The following RORB variants were observed in gnomAD, a reference collection of about 807,000 sequenced individuals.
RORB encodes the protein RAR related orphan receptor B.
A neutral mutation model predicts 59.1 loss-of-function variants in RORB; 6 were observed. The observed-to-expected ratio is 0.10, with a 90% CI of 0.06 to 0.20. The LOEUF is 0.20. Among genes scored for constraint, RORB ranks in the 10% least tolerant of loss-of-function variants. RORB has a pLI of 1.00. For synonymous variants in RORB, 215 were observed against 204.5 expected, an observed-to-expected ratio of 1.05 and a Z score of -0.44; for missense variants, 320 against 560.5, an observed-to-expected ratio of 0.57 and a Z score of 4.33.
chr9:74,550,478 G>A (rs887885934), intron 1 of RORB, among the ~76,000 whole-genome samples: 80 of 152,272 alleles, frequency 5.3e-4, no homozygotes, highest in African/African-American at 1.8e-3. Context: ...TGGTCTTATC[G>A]ACTAGCTAGG....
At chr9:74,523,103 C>T (rs28693935) in intron 1 of RORB, among the ~76,000 whole-genome samples, 48,147 of 151,532 alleles carry the variant, frequency 0.32, 7,949 homozygotes, top group Admixed American at 0.41. Flanking sequence ...AATTTAAATG[C>T]AGTCTTTTAA....
intron 1 of RORB, among the ~76,000 whole-genome samples, chr9:74,568,903 A>T (rs1822508797): frequency 6.6e-6 from 1 of 151,998 alleles, no homozygotes; most frequent in African/African-American, 2.4e-5. Flanking sequence ...AAGTTATGAA[A>T]ATCTTTCATC....
chr9:74,675,382 A>T (rs767771130), intron 9 of RORB, among the ~76,000 whole-genome samples: 4 of 151,846 alleles, frequency 2.6e-5, no homozygotes, highest in Admixed American at 6.6e-5. Flanking sequence ...TAGAGGAGGC[A>T]GCCCATCTGT....
intron 1 of RORB, among the ~76,000 whole-genome samples, chr9:74,539,750 C>A (rs77705796): frequency 0.12 from 18,134 of 151,662 alleles, 1,245 homozygotes; most frequent in Non-Finnish European, 0.15. Flanking sequence ...TGAGATGGGG[C>A]CAGCTTTTAC....
At chr9:74,560,006 T>C (rs1022566908) in intron 1 of RORB, among the ~76,000 whole-genome samples, 3 of 152,214 alleles carry the variant, frequency 2.0e-5, no homozygotes, top group Non-Finnish European at 4.4e-5. Flanking sequence ...TGAATAGTCA[T>C]ATGGAATGAA....
chr9:74,657,871 G>A (rs1296043052), intron 4 of RORB, among the ~76,000 whole-genome samples: 7 of 151,780 alleles, frequency 4.6e-5, no homozygotes, highest in African/African-American at 1.7e-4. Context: ...CAGGTGTGGT[G>A]GTGGGCACCT....
At chr9:74,652,777 A>G (rs2118490606) in intron 4 of RORB, among the ~76,000 whole-genome samples, 1 of 152,322 alleles carries the variant, frequency 6.6e-6, no homozygotes, top group African/African-American at 2.4e-5. Context: ...TTGAGGGGGA[A>G]GTAATGAGTG....
chr9:74,525,697 C>T (rs906459406), intron 1 of RORB, among the ~76,000 whole-genome samples: 10 of 151,860 alleles, frequency 6.6e-5, no homozygotes, highest in African/African-American at 2.4e-4. Flanking sequence ...AATTAAAGAG[C>T]ATACATTTTC....
intron 1 of RORB, among the ~76,000 whole-genome samples, chr9:74,590,252 A>G (rs1212602903): frequency 6.6e-6 from 1 of 151,746 alleles, no homozygotes; most frequent in Non-Finnish European, 1.5e-5. Context: ...TTTATTTACC[A>G]CTCTATTCTC....
intron 7 of RORB, among the ~76,000 whole-genome samples, chr9:74,666,040 A>G (rs11144049): frequency 0.043 from 6,582 of 152,270 alleles, 494 homozygotes; most frequent in East Asian, 0.37. Flanking sequence ...TAATCCCAGC[A>G]CTTTGGGAGG....
chr9:74,680,712 T>A (rs1418426375), intron 9 of RORB, among the ~76,000 whole-genome samples: 1 of 152,122 alleles, frequency 6.6e-6, no homozygotes, highest in Non-Finnish European at 1.5e-5. Context: ...CATGTGAAAT[T>A]GATGTGTTCA....
chr9:74,534,277 C>A (rs1411428139), intron 1 of RORB, among the ~76,000 whole-genome samples: 1 of 151,922 alleles, frequency 6.6e-6, no homozygotes, highest in African/African-American at 2.4e-5. Context: ...TTAAAGGGCA[C>A]TAGTTAACTA....
chr9:74,641,592 C>G (rs916876409), intron 3 of RORB, among the ~76,000 whole-genome samples: 1 of 152,088 alleles, frequency 6.6e-6, no homozygotes, highest in African/African-American at 2.4e-5. Context: ...TCGGTCTTAC[C>G]CAACACACTA....
chr9:74,546,144 A>T (rs373120748), intron 1 of RORB, among the ~76,000 whole-genome samples: 1 of 152,198 alleles, frequency 6.6e-6, no homozygotes, highest in Admixed American at 6.5e-5. Flanking sequence ...AAAAATGACG[A>T]AGATTTCAAA....
In RORB at chr9:74,690,771, T is replaced by C. The variant is rs1212503058; in HGVS notation, c.*5153T>C. ...TATAACAGGAGGTCAGTTTAAAAAA[T>C]AGCAAACAGTCTAAAAATGAAAACT... is the stretch of plus-strand genomic sequence containing the variant. On this transcript the variant is annotated 3_prime_UTR_variant, in exon 10 of 10. Transcript: ENST00000376896. The C allele has an allele frequency of 1.3e-5, 2 of 152,174 alleles. No homozygotes were observed. The highest frequency in any genetic ancestry group is 4.8e-5 in the African/African-American group (2 of 41,446). The allele number at this position is 152,174 out of a possible 1,614,324, so 9.4% of individuals were successfully genotyped here. A position where few individuals can be genotyped will look rare whatever the true frequency, so the allele number is the denominator to read the frequency against.
chr9:74,555,438 G>A (rs1362031624), intron 1 of RORB, among the ~76,000 whole-genome samples: 1 of 152,190 alleles, frequency 6.6e-6, no homozygotes, highest in African/African-American at 2.4e-5. Flanking sequence ...AATTACTTTT[G>A]ATGGGAGAGA....
At chr9:74,560,214 T>G (rs1236054934) in intron 1 of RORB, among the ~76,000 whole-genome samples, 2 of 152,198 alleles carry the variant, frequency 1.3e-5, no homozygotes, top group African/African-American at 4.8e-5. Flanking sequence ...TTTGGGTGTT[T>G]ACCATACAGC....
intron 1 of RORB, 111 bp from the exon 2 acceptor site, chr9:74,630,171 A>C (rs534024092): frequency 7.0e-6 from 10 of 1,428,858 alleles, no homozygotes; most frequent in Admixed American, 2.2e-5. Context: ...CTCACACCCC[A>C]GTATTTTCAA....
At chr9:74,535,520 C>T (rs989050161) in intron 1 of RORB, among the ~76,000 whole-genome samples, 1 of 151,758 alleles carries the variant, frequency 6.6e-6, no homozygotes, top group African/African-American at 2.4e-5. Flanking sequence ...TTCTGTTTAC[C>T]CTAGTAAAAT....
Sources: allele counts gnomAD v4.1 joint callset (sites outside exome capture counted in the v4.1 genomes callset), GRCh38; gene constraint gnomAD v4.1.1; transcripts MANE v1.5; gene names NCBI Gene and HGNC (gene_info 2026-07-23, HGNC 2026-07-21).